FBXO42: variants seen among roughly 807,000 people sequenced by gnomAD.
FBXO42 encodes F-box only protein 42.
In FBXO42, 12 loss-of-function variants were observed where a neutral mutation model predicts 71.7. The observed-to-expected ratio is 0.17, with a 90% CI of 0.11 to 0.27. FBXO42 has a LOEUF of 0.27. Ranked by LOEUF, FBXO42 falls within the 10% of genes least tolerant of loss-of-function variation. The pLI, the probability that FBXO42 is intolerant of heterozygous loss-of-function variation, is 1.00. For synonymous variants in FBXO42, 325 were observed against 327.5 expected (o/e 0.99, Z 0.08); for missense variants, 707 against 911.9 (o/e 0.78, Z 2.89).
intron 1 of FBXO42, among the ~76,000 whole-genome samples, chr1:16,332,324 T>C (rs1335424934): frequency 6.6e-6 from 1 of 152,138 alleles, no homozygotes; most frequent in African/African-American, 2.4e-5. Flanking sequence ...GGGAGGCACA[T>C]TGTTATTATT....
intron 1 of FBXO42, among the ~76,000 whole-genome samples, chr1:16,338,992 G>A (rs563338220): frequency 6.6e-6 from 1 of 151,926 alleles, no homozygotes; most frequent in East Asian, 1.9e-4. Flanking sequence ...TGTATTTTTA[G>A]TAGAGATGGG....
At chr1:16,282,061 T>C (rs1478499571) in intron 4 of FBXO42, among the ~76,000 whole-genome samples, 2 of 151,960 alleles carry the variant, frequency 1.3e-5, no homozygotes, top group African/African-American at 4.8e-5. Flanking sequence ...TGCTTCCTAA[T>C]GATAGCTGAG....
At chr1:16,326,110 C>T (rs1406518668) in intron 1 of FBXO42, among the ~76,000 whole-genome samples, 1 of 148,590 alleles carries the variant, frequency 6.7e-6, no homozygotes, top group African/African-American at 2.4e-5. Flanking sequence ...GGCTGGAGTG[C>T]AATGGCACGA....
At chr1:16,336,631 AC>A (rs963825745) in intron 1 of FBXO42, among the ~76,000 whole-genome samples, 1 of 150,976 alleles carries the variant, frequency 6.6e-6, no homozygotes, top group African/African-American at 2.4e-5. Context: ...TGCTGGGATT[AC>A]AGGCATGAGC....
chr1:16,253,799 G>A, intron 6 of FBXO42, 68 bp from the exon 7 acceptor site: 2 of 1,403,200 alleles, frequency 1.4e-6, no homozygotes, highest in Non-Finnish European at 2.0e-6. Context: ...TGGCTGGGGA[G>A]TTCCACATGC....
chr1:16,251,359 G>C lies in FBXO42; in HGVS notation c.1465C>G (p.Leu489Val). 6.2e-7 allele frequency: 1 copy of C among 1,614,202 alleles called. No homozygotes were observed. Among genetic ancestry groups the C allele is most frequent in the Non-Finnish European group, 8.5e-7 (1 of 1,180,026 alleles). ...GLSLAPRRGS[L>V]PDQKDLRLGS... ...AATCTCAGATCTTTCTGATCTGGTA[G>C]TGATCCTCGTCGGGGGGCCAAAGAA... Residue 489 changes from leucine to valine, a missense_variant, in exon 10 of 10, where the codon CTA (leucine) becomes GTA (valine). Leu to Val is a conservative substitution (Grantham distance 32, BLOSUM62 1). Coordinates refer to ENST00000375592, the MANE Select transcript of FBXO42 (RefSeq NM_018994.3). This position sits in a 1 kb window ranked among gnomAD's most constrained non-coding sequence, Gnocchi z 4.5.
At chr1:16,299,353 C>T (rs371816102) in intron 3 of FBXO42, among the ~76,000 whole-genome samples, 12 of 152,246 alleles carry the variant, frequency 7.9e-5, no homozygotes, top group African/African-American at 2.6e-4. Context: ...CAGCCAACAG[C>T]GGGGCCCTGA....
At chr1:16,313,021 T>C (rs1383641785) in intron 2 of FBXO42, among the ~76,000 whole-genome samples, 3 of 152,098 alleles carry the variant, frequency 2.0e-5, no homozygotes, top group Non-Finnish European at 2.9e-5. Context: ...TCTTGAACTC[T>C]TGATCTCAGG....
intron 4 of FBXO42, among the ~76,000 whole-genome samples, chr1:16,290,375 C>T (rs1434530014): frequency 6.6e-6 from 1 of 152,180 alleles, no homozygotes; most frequent in Non-Finnish European, 1.5e-5. Context: ...GAGGGTAGCC[C>T]TCATAAGATG....
Position 16,256,647 on chromosome 1 carries a change from T to C in FBXO42, c.615A>G (p.Arg205=). The change falls in exon 5 of 10, where the codon AGA becomes AGG. Residue 205 remains arginine, a synonymous_variant. Coordinates refer to ENST00000375592, the MANE Select transcript of FBXO42 (RefSeq NM_018994.3). ...PSPYPLHQPE[R]FFDEIHTYSP... Reference sequence around the variant, plus strand: ...AGTAAGTGTGTATTTCATCAAAGAATCTCTCTGGCTGGTGTAGGGGATAAG... The same window carrying C: ...AGTAAGTGTGTATTTCATCAAAGAACCTCTCTGGCTGGTGTAGGGGATAAG... The C allele has an allele frequency of 6.2e-7, 1 of 1,614,172 alleles. No homozygotes were observed. Among genetic ancestry groups the C allele is most frequent in the Non-Finnish European group, 8.5e-7 (1 of 1,180,024 alleles).
intron 4 of FBXO42, among the ~76,000 whole-genome samples, chr1:16,273,303 A>C (rs2081864536): frequency 2.0e-5 from 3 of 152,170 alleles, no homozygotes; most frequent in Admixed American, 2.0e-4. Flanking sequence ...ACATTACTTT[A>C]GGTCATTAGC....
At chr1:16,284,893 G>A (rs926864051) in intron 4 of FBXO42, among the ~76,000 whole-genome samples, 6 of 151,764 alleles carry the variant, frequency 4.0e-5, no homozygotes, top group South Asian at 2.1e-4. Flanking sequence ...GCTTGAACCC[G>A]GGAGGTGGAG....
At chr1:16,300,408 C>G (rs1050231262) in intron 3 of FBXO42, among the ~76,000 whole-genome samples, 1 of 152,220 alleles carries the variant, frequency 6.6e-6, no homozygotes, top group African/African-American at 2.4e-5. Context: ...CTCCACTATT[C>G]TATAATCATC....
At chr1:16,273,262 G>A (rs955024512) in intron 4 of FBXO42, among the ~76,000 whole-genome samples, 8 of 152,112 alleles carry the variant, frequency 5.3e-5, no homozygotes, top group East Asian at 1.9e-4. Flanking sequence ...TATTACTAAC[G>A]AGCCTCCTTC....
chr1:16,347,876 C>G (rs1463632992), intron 1 of FBXO42, among the ~76,000 whole-genome samples: 3 of 151,258 alleles, frequency 2.0e-5, no homozygotes, highest in Non-Finnish European at 4.4e-5. Flanking sequence ...GTAGTCTCAG[C>G]TACTCGGGAG....
intron 1 of FBXO42, among the ~76,000 whole-genome samples, chr1:16,335,063 CAAAAAAAAAAA>C (rs55983316): frequency 1.3e-4 from 9 of 69,026 alleles, no homozygotes; most frequent in African/African-American, 3.7e-4. Flanking sequence ...CTCGTCTGTA[CAAAAAAAAAAA>C]AAAAAAAAAA....
chr1:16,307,299 G>C (rs1327048635), intron 2 of FBXO42, among the ~76,000 whole-genome samples: 1 of 152,118 alleles, frequency 6.6e-6, no homozygotes, highest in Admixed American at 6.6e-5. Flanking sequence ...AGGAGTTTGA[G>C]ACCAGCCCGG....
At chr1:16,331,165 G>A (rs2082495309) in intron 1 of FBXO42, among the ~76,000 whole-genome samples, 1 of 151,752 alleles carries the variant, frequency 6.6e-6, no homozygotes, top group Non-Finnish European at 1.5e-5. Context: ...TGTAATCCCA[G>A]CACTTTGGGA....
At chr1:16,309,032 C>G (rs1569898346) in intron 2 of FBXO42, among the ~76,000 whole-genome samples, 1 of 141,896 alleles carries the variant, frequency 7.0e-6, no homozygotes, top group Admixed American at 7.2e-5. Flanking sequence ...CGTGAGCCAC[C>G]ATGCCAGGCC....
Sources: allele counts gnomAD v4.1 joint callset (sites outside exome capture counted in the v4.1 genomes callset), GRCh38; gene constraint gnomAD v4.1.1; non-coding constraint Gnocchi (gnomAD v3.1); transcripts MANE v1.5; gene names NCBI Gene and HGNC (gene_info 2026-07-23, HGNC 2026-07-21).